Variants in IQCM observed in about 807,000 individuals in gnomAD.
IQCM encodes IQ domain-containing protein M.
Under a neutral mutation model 57.6 loss-of-function variants are expected in IQCM, and 45 were observed. The observed-to-expected ratio is 0.78, with a 90% CI of 0.62 to 1.00. The LOEUF (loss-of-function observed/expected upper bound fraction) is 1.00. IQCM is among the 50% of genes least tolerant of loss of function. The probability of loss-of-function intolerance (pLI) is 0.00; values close to 1 mark genes in which losing one functional copy is unlikely to be tolerated. For synonymous variants in IQCM, 148 were observed against 158.9 expected (o/e 0.93, Z 0.51); for missense variants, 468 against 511.6 (o/e 0.91, Z 0.82).
intron 5 of IQCM, among the ~76,000 whole-genome samples, chr4:149,715,984 G>A (rs191488826): frequency 1.3e-4 from 20 of 152,278 alleles, no homozygotes; most frequent in African/African-American, 2.9e-4. Flanking sequence ...GGCCATGGGC[G>A]GACCCAGAAA....
intron 7 of IQCM, among the ~76,000 whole-genome samples, chr4:149,650,471 C>A (rs1363068451): frequency 6.7e-6 from 1 of 149,410 alleles, no homozygotes; most frequent in Non-Finnish European, 1.5e-5. Flanking sequence ...TGGTTCACTG[C>A]AATCTCCACC....
At chr4:149,381,155 T>A (rs146290971) in intron 13 of IQCM, among the ~76,000 whole-genome samples, 2,209 of 152,266 alleles carry the variant, frequency 0.015, 23 homozygotes, top group Non-Finnish European at 0.023. Flanking sequence ...CCATAGCACG[T>A]CCTGCTGACT....
intron 2 of IQCM, among the ~76,000 whole-genome samples, chr4:149,793,925 T>C (rs1157584516): frequency 6.6e-6 from 1 of 152,208 alleles, no homozygotes; most frequent in Non-Finnish European, 1.5e-5. Flanking sequence ...ACTAAAATGA[T>C]TCTAAAAATG....
chr4:149,592,786 T>G (rs1753331722), intron 8 of IQCM, among the ~76,000 whole-genome samples: 1 of 152,156 alleles, frequency 6.6e-6, no homozygotes, highest in Admixed American at 6.5e-5. Flanking sequence ...GTATTATTTC[T>G]GAGGGCCCTG....
intron 13 of IQCM, among the ~76,000 whole-genome samples, chr4:149,401,631 T>A (rs1225550685): frequency 6.6e-6 from 1 of 151,808 alleles, no homozygotes; most frequent in African/African-American, 2.4e-5. Flanking sequence ...ACCAGAACAA[T>A]GCTGCAGATT....
chr4:149,680,345 T>A (rs1762087912), intron 7 of IQCM, among the ~76,000 whole-genome samples: 3 of 151,410 alleles, frequency 2.0e-5, no homozygotes, highest in African/African-American at 7.3e-5. Context: ...GCATATAAAC[T>A]AAACTGCATA....
intron 13 of IQCM, among the ~76,000 whole-genome samples, chr4:149,365,385 A>C (rs1391726767): frequency 6.6e-6 from 1 of 152,340 alleles, no homozygotes; most frequent in East Asian, 1.9e-4. Context: ...ATAACTATTT[A>C]CTAGTATAAT....
intron 2 of IQCM, among the ~76,000 whole-genome samples, chr4:149,812,960 A>G (rs1774723928): frequency 6.6e-6 from 1 of 152,188 alleles, no homozygotes. Context: ...AGCTACATTA[A>G]TATCTCAGAG....
intron 12 of IQCM, among the ~76,000 whole-genome samples, chr4:149,521,501 T>A (rs1325529805): frequency 6.6e-6 from 1 of 152,210 alleles, no homozygotes; most frequent in African/African-American, 2.4e-5. Context: ...GTTTAAATAT[T>A]TGAATCATTC....
chr4:149,773,631 C>T (rs1173839021), intron 2 of IQCM, among the ~76,000 whole-genome samples: 2 of 152,250 alleles, frequency 1.3e-5, no homozygotes, highest in East Asian at 1.9e-4. Context: ...AGCTGATGTT[C>T]CATCATTTAA....
At chr4:149,601,588 A>G (rs902146920) in intron 8 of IQCM, among the ~76,000 whole-genome samples, 1 of 152,102 alleles carries the variant, frequency 6.6e-6, no homozygotes, top group Non-Finnish European at 1.5e-5. Context: ...CAACACCTCT[A>G]AGCCCTCCCA....
At chr4:149,809,256 T>C (rs1283725240) in intron 2 of IQCM, among the ~76,000 whole-genome samples, 2 of 145,492 alleles carry the variant, frequency 1.4e-5, no homozygotes, top group Admixed American at 1.4e-4. Context: ...AATGAGACTG[T>C]CTCAAAAAGA....
intron 13 of IQCM, among the ~76,000 whole-genome samples, chr4:149,420,971 GA>G (rs1451092139): frequency 2.0e-5 from 3 of 151,450 alleles, no homozygotes; most frequent in Admixed American, 6.6e-5. Flanking sequence ...CAGACTGTCA[GA>G]TGGAGGTTAT....
chr4:149,569,464 T>C (rs1750950667), intron 9 of IQCM, among the ~76,000 whole-genome samples: 1 of 152,120 alleles, frequency 6.6e-6, no homozygotes, highest in African/African-American at 2.4e-5. Flanking sequence ...ATGTCCTCAG[T>C]AGAGGACTCC....
rs9999580 is a variant in IQCM at position 149,561,919 on chromosome 4, C to T, written c.948+1773G>A. Among the ~76,000 whole-genome samples the T allele has an allele frequency of 1.0e-3, 155 of 152,088 alleles. 1 individual carries two copies. The highest frequency in any genetic ancestry group is 3.6e-3 in the African/African-American group (148 of 41,532). On this transcript the variant is annotated intron_variant, in intron 10 of 13. Transcript: ENST00000636793. ...ACCAGAGAGGGTGTCTAAGTGAATA[C>T]ACTTTAGGAAGATCTTGAAAGATGA...
chr4:149,500,566 C>T (rs1336124053), intron 12 of IQCM, among the ~76,000 whole-genome samples: 2 of 152,088 alleles, frequency 1.3e-5, no homozygotes, highest in Admixed American at 1.3e-4. Context: ...TGAAAAGGTA[C>T]CAAAAGACTG....
chr4:149,383,478 TC>T (rs1354470220), intron 13 of IQCM, among the ~76,000 whole-genome samples: 2 of 152,114 alleles, frequency 1.3e-5, no homozygotes, highest in African/African-American at 4.8e-5. Flanking sequence ...TTTAACACAA[TC>T]CTGTTTTTAA....
chr4:149,702,448 A>G (rs1203144015), intron 5 of IQCM, among the ~76,000 whole-genome samples: 1 of 151,868 alleles, frequency 6.6e-6, no homozygotes, highest in Non-Finnish European at 1.5e-5. Flanking sequence ...ACATGTTAAG[A>G]CCCATAAAAA....
chr4:149,783,977 A>C (rs1771850440), intron 2 of IQCM, among the ~76,000 whole-genome samples: 1 of 152,220 alleles, frequency 6.6e-6, no homozygotes, highest in African/African-American at 2.4e-5. Flanking sequence ...TTGAGAATGC[A>C]GGCTGGCTAG....
Sources: allele counts gnomAD v4.1 joint callset (sites outside exome capture counted in the v4.1 genomes callset), GRCh38; gene constraint gnomAD v4.1.1; transcripts MANE v1.5; gene names NCBI Gene and HGNC (gene_info 2026-07-23, HGNC 2026-07-21).